The following ERBIN variants were observed in gnomAD, a reference collection of about 807,000 sequenced individuals.
The protein encoded by ERBIN is erbb2 interacting protein.
A neutral mutation model predicts 158.4 loss-of-function variants in ERBIN; 60 were observed. The ratio of observed to expected loss-of-function variants is 0.38; its 90% CI spans 0.31 to 0.47. The LOEUF is 0.47. Ranked by LOEUF, ERBIN falls within the 20% of genes least tolerant of loss-of-function variation. ERBIN has a pLI of 0.99. For missense variants in ERBIN, 1,610 were observed against 1,648.0 expected, an observed-to-expected ratio of 0.98 and a Z score of 0.40; for synonymous variants, 594 against 557.2, an observed-to-expected ratio of 1.07 and a Z score of -0.93.
At chr5:65,930,264 C>T (rs1198860347) in intron 1 of ERBIN, among the ~76,000 whole-genome samples, 1 of 152,184 alleles carries the variant, frequency 6.6e-6, no homozygotes, top group East Asian at 1.9e-4. Context: ...TGCATTTCAA[C>T]TAAGTGTACA....
intron 4 of ERBIN, among the ~76,000 whole-genome samples, chr5:66,000,159 A>G (rs1408572922): frequency 5.9e-5 from 9 of 152,206 alleles, no homozygotes; most frequent in Admixed American, 5.9e-4. Context: ...TTGATTAAAA[A>G]TCGTATACAT....
At position 66,071,223 on chromosome 5, in the gene ERBIN, C is replaced by T. The variant is rs190658330; in HGVS notation, c.3634-946C>T. On this transcript the variant is annotated intron_variant, in intron 21 of 25. Coordinates refer to ENST00000284037, the MANE Select transcript of ERBIN (RefSeq NM_001253697.2). Reference sequence around the variant, plus strand: ...CCGCCTACAAAAATTAGAAAATTAGCCAGGCATGGTGACACCACAACTGTT... The same window carrying T: ...CCGCCTACAAAAATTAGAAAATTAGTCAGGCATGGTGACACCACAACTGTT... Among the ~76,000 whole-genome samples the T allele has an allele frequency of 2.6e-3, 394 of 152,128 alleles. 3 individuals carry two copies. The highest frequency in any genetic ancestry group is 9.1e-3 in the African/African-American group (376 of 41,492).
chr5:65,977,268 G>T (rs1205285417), intron 1 of ERBIN, among the ~76,000 whole-genome samples: 33 of 151,068 alleles, frequency 2.2e-4, no homozygotes, highest in African/African-American at 7.8e-4. Context: ...CCTCCCTCCC[G>T]GATGGGGCGG....
At chr5:66,066,150 C>T (rs904147537) in intron 21 of ERBIN, among the ~76,000 whole-genome samples, 4 of 152,024 alleles carry the variant, frequency 2.6e-5, no homozygotes, top group African/African-American at 9.7e-5. Context: ...GATGCTTATT[C>T]ATTAGATGGT....
In ERBIN at chr5:66,080,432, G is replaced by T. The variant is rs775413947; in HGVS notation, c.*1902G>T. ...TTTTTATGGATATAGTAGAAGAAAT[G>T]TGCTGTATTTTGATAAAATTCACTT... On this transcript the variant is annotated 3_prime_UTR_variant, in exon 26 of 26. Transcript: ENST00000284037. The T allele has an allele frequency of 6.6e-6, 1 of 151,468 alleles. No individual in the cohort carries two copies. Among genetic ancestry groups the T allele is most frequent in the Non-Finnish European group, 1.5e-5 (1 of 67,784 alleles). 9.4% of individuals were successfully genotyped at this position (151,468 alleles called of 1,614,324 possible). A position where few individuals can be genotyped will look rare whatever the true frequency, so the allele number is the denominator to read the frequency against.
chr5:66,047,854 A>G (rs1332652467), intron 18 of ERBIN, among the ~76,000 whole-genome samples: 2 of 152,004 alleles, frequency 1.3e-5, no homozygotes, highest in Non-Finnish European at 2.9e-5. Context: ...TGTAATTTCT[A>G]TGTGTAAGGC....
At position 66,082,401 on chromosome 5, in the gene ERBIN, C is replaced by G. The variant is rs1367583680; in HGVS notation, c.*3871C>G. The G allele has an allele frequency of 6.6e-6, 1 of 152,192 alleles. No individual in the cohort carries two copies. The highest frequency in any genetic ancestry group is 2.4e-5 in the African/African-American group (1 of 41,450). The allele number at this position is 152,192 out of a possible 1,614,324, so 9.4% of individuals were successfully genotyped here. A position where few individuals can be genotyped will look rare whatever the true frequency, so the allele number is the denominator to read the frequency against. ...GGGACAATGGTGATCTGTCACGCAT[C>G]TGCCCATCTAGCTTCTCAATCGGCC... On this transcript the variant is annotated 3_prime_UTR_variant, in exon 26 of 26. Coordinates refer to ENST00000284037, the MANE Select transcript of ERBIN (RefSeq NM_001253697.2).
At chr5:66,072,113 T>C in intron 21 of ERBIN, 56 bp from the exon 22 acceptor site, 1 of 1,521,440 alleles carries the variant, frequency 6.6e-7, no homozygotes, top group Non-Finnish European at 8.9e-7. Context: ...TGTCATCCTC[T>C]TGGTTTCACA....
intron 1 of ERBIN, among the ~76,000 whole-genome samples, chr5:65,952,991 A>G (rs1048786701): frequency 6.6e-6 from 1 of 152,238 alleles, no homozygotes; most frequent in Admixed American, 6.5e-5. Context: ...CTTCGTAAGT[A>G]TACCATAATA....
chr5:66,027,662 G>A (rs1383170466), intron 13 of ERBIN, among the ~76,000 whole-genome samples: 1 of 151,930 alleles, frequency 6.6e-6, no homozygotes, highest in Non-Finnish European at 1.5e-5. Context: ...AAAATATATG[G>A]GGGGATGTGC....
chr5:66,062,949 T>G (rs1055003270), intron 21 of ERBIN, among the ~76,000 whole-genome samples: 10 of 152,228 alleles, frequency 6.6e-5, no homozygotes, highest in African/African-American at 9.6e-5. Context: ...AGTCTGCCCC[T>G]ACTGGGGGGT....
chr5:65,930,172 T>A (rs1209741498), intron 1 of ERBIN, among the ~76,000 whole-genome samples: 1 of 152,206 alleles, frequency 6.6e-6, no homozygotes, highest in Admixed American at 6.5e-5. Flanking sequence ...GTTTATCACC[T>A]CAAAAAACTG....
chr5:66,030,776 G>A (rs1349144046), intron 14 of ERBIN, among the ~76,000 whole-genome samples: 1 of 151,274 alleles, frequency 6.6e-6, no homozygotes, highest in Non-Finnish European at 1.5e-5. Flanking sequence ...TCATGATATT[G>A]CCCAGGCTGG....
chr5:65,944,328 A>G (rs1745470300), intron 1 of ERBIN, among the ~76,000 whole-genome samples: 1 of 148,168 alleles, frequency 6.7e-6, no homozygotes, highest in Admixed American at 6.9e-5. Context: ...AACACTTGCT[A>G]TTTTGTTTCT....
chr5:65,957,229 A>G (rs571038740), intron 1 of ERBIN, among the ~76,000 whole-genome samples: 1 of 141,438 alleles, frequency 7.1e-6, no homozygotes, highest in Non-Finnish European at 1.5e-5. Flanking sequence ...ATTTTATTTT[A>G]TTTTTTTTAT....
chr5:66,025,451 A>C, intron 10 of ERBIN, 29 bp from the exon 11 acceptor site: 1 of 1,559,940 alleles, frequency 6.4e-7, no homozygotes, highest in East Asian at 2.2e-5. Flanking sequence ...TTAAGCTGAA[A>C]AATTGTATGT....
Position 66,053,577 on chromosome 5 carries a change from A to AG in ERBIN, c.2260dup (p.Ala754GlyfsTer2), listed in dbSNP as rs2151237329. On this transcript the variant is annotated frameshift_variant, in exon 21 of 26. Transcript: ENST00000284037. LOFTEE classifies it high-confidence loss of function. ...AGAAAAGTGTTGACTCAACAGCCAC[A>AG]GCTGATGACACTCACAAATTAGATC... 1 of 1,610,632 alleles carries AG rather than the reference A, an allele frequency of 6.2e-7. No individual in the cohort carries two copies. The highest frequency in any genetic ancestry group is 8.5e-7 in the Non-Finnish European group (1 of 1,179,066).
In ERBIN at chr5:66,054,971, T is replaced by G. The variant is rs1759446912; in HGVS notation, c.3633+20T>G. On this transcript the variant is annotated intron_variant, in intron 21 of 25. Coordinates refer to ENST00000284037, the MANE Select transcript of ERBIN (RefSeq NM_001253697.2). The stretch of plus-strand genomic sequence containing the variant: ...GAAAAGGTAATTGAACATGAGTTTT[T>G]CATTATTTTCTTTATGAACTTAATT... The G allele has an allele frequency of 6.5e-7, 1 of 1,529,650 alleles. No individual in the cohort carries two copies. The highest frequency in any genetic ancestry group is 2.2e-5 in the Admixed American group (1 of 45,626). 94.8% of individuals were successfully genotyped at this position (1,529,650 alleles called of 1,614,324 possible).
At chr5:65,990,803 C>T (rs1034719820) in intron 2 of ERBIN, among the ~76,000 whole-genome samples, 1 of 150,822 alleles carries the variant, frequency 6.6e-6, no homozygotes. Context: ...CTGTGTTGCT[C>T]AGGCTGGAGT....
Sources: gnomAD v4.1 joint callset for allele counts (sites outside exome capture counted in the v4.1 genomes callset) on GRCh38, gnomAD v4.1.1 for gene constraint, MANE v1.5 for transcripts, NCBI Gene and HGNC (gene_info 2026-07-23, HGNC 2026-07-21) for gene names.